TPPP2: variants seen among roughly 807,000 people sequenced by gnomAD.
TPPP2 encodes the protein tubulin polymerization promoting protein family member 2.
TPPP2 carries 8 observed loss-of-function variants against 13.0 expected under a neutral mutation model. The ratio of observed to expected loss-of-function variants is 0.62; its 90% CI spans 0.36 to 1.11. TPPP2 has a LOEUF of 1.11. Among genes scored for constraint, TPPP2 ranks in the 50% most tolerant of loss-of-function variants. TPPP2 has a pLI of 0.02. For synonymous variants in TPPP2, 81 were observed against 81.8 expected, an observed-to-expected ratio of 0.99 and a Z score of 0.05; for missense variants, 213 against 216.9, an observed-to-expected ratio of 0.98 and a Z score of 0.11.
chr14:21,032,521 C>G lies in TPPP2; in HGVS notation c.*444C>G. On this transcript the variant is annotated 3_prime_UTR_variant, in exon 4 of 4. Transcript: ENST00000321760. Reference sequence around the variant, plus strand: ...GATCCTTCCCTGTCCCTCCACCTTCCTCATCTGTTGCAATTCAGGTTTTTT... The same window carrying G: ...GATCCTTCCCTGTCCCTCCACCTTCGTCATCTGTTGCAATTCAGGTTTTTT... 5.8e-6 allele frequency: 2 copies of G among 347,752 alleles called. No homozygotes were observed. The highest frequency in any genetic ancestry group is 4.3e-5 in the South Asian group (2 of 46,800). The allele number at this position is 347,752 out of a possible 1,614,324, so 21.5% of individuals were successfully genotyped here.
chr14:21,030,951 G>A (rs994711422), intron 2 of TPPP2, 61 bp from the exon 3 acceptor site: 7 of 1,557,306 alleles, frequency 4.5e-6, no homozygotes, highest in African/African-American at 1.4e-5. Flanking sequence ...GGCAAGAGTT[G>A]GACCTTGGAA....
In TPPP2 at chr14:21,032,715, G is replaced by A; in HGVS notation, c.*638G>A. 1 of 362,194 alleles carries A rather than the reference G, an allele frequency of 2.8e-6. No homozygotes were observed. The highest frequency in any genetic ancestry group is 5.4e-6 in the Non-Finnish European group (1 of 186,846). 22.4% of individuals were successfully genotyped at this position (362,194 alleles called of 1,614,324 possible). On this transcript the variant is annotated 3_prime_UTR_variant, in exon 4 of 4. Coordinates refer to ENST00000321760, the MANE Select transcript of TPPP2 (RefSeq NM_173846.5). The stretch of plus-strand genomic sequence containing the variant: ...GACAGAAGAGCTTACTGACTGCTAA[G>A]GGTAGCTCAGGAAGATGGCCAGATG...
chr14:21,035,700 C>T, downstream of TPPP2: 1 of 449,752 alleles, frequency 2.2e-6, no homozygotes, highest in Non-Finnish European at 4.5e-6. Flanking sequence ...ATGTAGAGCC[C>T]CCTAAACTGG....
At chr14:21,025,424 C>T, upstream of TPPP2, 1 of 985,684 alleles carries the variant, frequency 1.0e-6, no homozygotes, top group African/African-American at 1.7e-5. This position sits in a 1 kb window ranked among gnomAD's most constrained non-coding sequence, Gnocchi z 5.1. Flanking sequence ...TGGCTCCTTC[C>T]TTCGCCCCCA....
downstream of TPPP2, chr14:21,035,815 GA>G: frequency 2.2e-6 from 1 of 456,248 alleles, no homozygotes; most frequent in Non-Finnish European, 4.4e-6. Flanking sequence ...ACCTATGCAA[GA>G]AACCTGAAAG....
At chr14:21,029,158 A>C (rs1220167909), upstream of TPPP2, 1 of 152,230 alleles carries the variant, frequency 6.6e-6, no homozygotes, top group African/African-American at 2.4e-5. Context: ...TAATGTTTCT[A>C]TTGCGACTGG....
At chr14:21,035,645 C>T (rs1055281261), downstream of TPPP2, 1 of 408,008 alleles carries the variant, frequency 2.5e-6, no homozygotes, top group Admixed American at 2.6e-5. Context: ...CAGTATAGCT[C>T]AGGAGGAGGG....
downstream of TPPP2, chr14:21,033,514 T>C: frequency 2.4e-6 from 1 of 419,498 alleles, no homozygotes; most frequent in East Asian, 4.8e-5. Context: ...TCTGGCCCAG[T>C]GGGTGGACAG....
chr14:21,032,297 C>A lies in TPPP2; in HGVS notation c.*220C>A. The A allele has an allele frequency of 1.6e-6, 1 of 642,232 alleles. No homozygotes were observed. Among genetic ancestry groups the A allele is most frequent in the South Asian group, 1.5e-5 (1 of 66,272 alleles). The allele number at this position is 642,232 out of a possible 1,614,324, so 39.8% of individuals were successfully genotyped here. A position where few individuals can be genotyped will look rare whatever the true frequency, so the allele number is the denominator to read the frequency against. On this transcript the variant is annotated 3_prime_UTR_variant, in exon 4 of 4. Coordinates refer to ENST00000321760, the MANE Select transcript of TPPP2 (RefSeq NM_173846.5). ...GCTTAGCCTTATGCCTACCAGCCAT[C>A]AGTTAGCATTCCTCCTCAACAGCTG...
At chr14:21,033,129 A>G (rs1469645885), downstream of TPPP2, 1 of 384,528 alleles carries the variant, frequency 2.6e-6, no homozygotes, top group Non-Finnish European at 5.1e-6. Context: ...AGAAGACTGG[A>G]AGAAAAAGAG....
At chr14:21,034,530 G>A (rs569802266), downstream of TPPP2, 36 of 505,414 alleles carry the variant, frequency 7.1e-5, no homozygotes, top group South Asian at 8.8e-4. Context: ...TGCAGAGTCC[G>A]TGAGCTACAT....
chr14:21,030,782 G>T (rs752081848), intron 2 of TPPP2, 28 bp downstream of exon 2: 10 of 1,609,710 alleles, frequency 6.2e-6, no homozygotes, highest in Non-Finnish European at 7.6e-6. Context: ...TGGAGGTGGG[G>T]GTGAGAAGAA....
intron 3 of TPPP2, 76 bp downstream of exon 3, chr14:21,031,241 C>T: frequency 6.5e-7 from 1 of 1,542,602 alleles, no homozygotes; most frequent in Non-Finnish European, 8.8e-7. Flanking sequence ...CCTAACCCTG[C>T]CAACTGTGTG....
chr14:21,026,930 G>T (rs1166584222), upstream of TPPP2, among the ~76,000 whole-genome samples: 7 of 151,756 alleles, frequency 4.6e-5, no homozygotes, highest in Non-Finnish European at 1.0e-4. Flanking sequence ...AGGAACCTGG[G>T]GAGAGGGAGA....
upstream of TPPP2, chr14:21,025,598 GT>G (rs957933725): frequency 5.1e-6 from 5 of 985,484 alleles, no homozygotes; most frequent in African/African-American, 8.7e-5. This position sits in a 1 kb window ranked among gnomAD's most constrained non-coding sequence, Gnocchi z 5.1. Context: ...AGGGGCAGGT[GT>G]GCTGGCGCCG....
upstream of TPPP2, among the ~76,000 whole-genome samples, chr14:21,026,038 G>C (rs184796628): frequency 1.3e-5 from 2 of 152,054 alleles, no homozygotes; most frequent in South Asian, 2.1e-4. Context: ...CAGAATAGGA[G>C]ACCAGCTCAG....
chr14:21,030,542 A>C lies in TPPP2; in HGVS notation c.-40A>C, dbSNP rs528648097. On this transcript the variant is annotated 5_prime_UTR_variant, in exon 2 of 4. Transcript: ENST00000321760. ...CCCTCCCCCTTCTCCTTCACCCCCAAGTGTCTCCCACGACTGCCCTCCCCG... is the reference window on the plus strand; with the variant it reads ...CCCTCCCCCTTCTCCTTCACCCCCACGTGTCTCCCACGACTGCCCTCCCCG... The C allele has an allele frequency of 6.3e-7, 1 of 1,598,366 alleles. No individual in the cohort carries two copies. Among genetic ancestry groups the C allele is most frequent in the Admixed American group, 1.7e-5 (1 of 58,608 alleles).
chr14:21,031,831 G>A (rs1884193248), intron 3 of TPPP2, 61 bp from the exon 4 acceptor site: 2 of 1,548,308 alleles, frequency 1.3e-6, no homozygotes, highest in South Asian at 2.4e-5. Context: ...GGCCATCTTT[G>A]GGGAAGGGAT....
At chr14:21,033,597 G>A, downstream of TPPP2, 2 of 586,098 alleles carry the variant, frequency 3.4e-6, no homozygotes, top group Non-Finnish European at 6.1e-6. Flanking sequence ...ATGATGAGGA[G>A]GTGGGGGCGA....
Sources: allele counts gnomAD v4.1 joint callset (sites outside exome capture counted in the v4.1 genomes callset), GRCh38; gene constraint gnomAD v4.1.1; non-coding constraint Gnocchi (gnomAD v3.1); transcripts MANE v1.5; gene names NCBI Gene and HGNC (gene_info 2026-07-23, HGNC 2026-07-21).